MS4A4E: variants seen among roughly 807,000 people sequenced by gnomAD.
MS4A4E encodes the protein membrane spanning 4-domains A4E, also known as putative membrane-spanning 4-domains subfamily A member 4E.
Under a neutral mutation model 13.3 loss-of-function variants are expected in MS4A4E, and 23 were observed. The observed-to-expected ratio is 1.73, with a 90% CI of 1.25 to 2.45. The LOEUF (loss-of-function observed/expected upper bound fraction) is 2.45, where lower values mean the gene tolerates loss of function less well. Among genes scored for constraint, MS4A4E ranks in the 30% most tolerant of loss-of-function variants. The pLI is 0.00. For synonymous variants in MS4A4E, 36 were observed against 45.6 expected (o/e 0.79, Z 0.85); for missense variants, 144 against 131.2 (o/e 1.10, Z -0.48).
intron 3 of MS4A4E, among the ~76,000 whole-genome samples, chr11:60,219,871 T>G (rs1019713102): frequency 6.6e-5 from 10 of 152,220 alleles, no homozygotes; most frequent in African/African-American, 2.4e-4. Context: ...ATGGAGGTCA[T>G]GTAATTAATG....
intron 8 of MS4A4E, among the ~76,000 whole-genome samples, chr11:60,203,096 C>A (rs2134908287): frequency 6.6e-6 from 1 of 152,158 alleles, no homozygotes; most frequent in East Asian, 1.9e-4. Flanking sequence ...TCTGTGGACA[C>A]ACTTATCTGT....
At chr11:60,210,234 A>T (rs190190122) in intron 5 of MS4A4E, among the ~76,000 whole-genome samples, 3 of 152,368 alleles carry the variant, frequency 2.0e-5, no homozygotes, top group Admixed American at 2.0e-4. Flanking sequence ...TTCCAAAAAC[A>T]TAGCATGTAT....
intron 4 of MS4A4E, 113 bp downstream of exon 4, chr11:60,214,458 T>A (rs2084164361): frequency 3.3e-6 from 2 of 604,456 alleles, no homozygotes; most frequent in South Asian, 6.9e-5. Context: ...GTAAAATGCA[T>A]AGTTGCTCCT....
At chr11:60,234,884 A>AAC (rs1193588713) in intron 1 of MS4A4E, among the ~76,000 whole-genome samples, 1 of 149,126 alleles carries the variant, frequency 6.7e-6, no homozygotes, top group Non-Finnish European at 1.5e-5. Flanking sequence ...GCTGAATTTA[A>AAC]AAAAAAAAAC....
At chr11:60,207,397 G>T (rs1015351421) in intron 6 of MS4A4E, among the ~76,000 whole-genome samples, 1 of 152,142 alleles carries the variant, frequency 6.6e-6, no homozygotes, top group Non-Finnish European at 1.5e-5. Context: ...TTCACTTGAT[G>T]AAATTACAAA....
intron 1 of MS4A4E, among the ~76,000 whole-genome samples, chr11:60,234,234 A>G (rs1209739127): frequency 6.6e-6 from 1 of 152,166 alleles, no homozygotes; most frequent in African/African-American, 2.4e-5. Context: ...ATGACTCTGG[A>G]CTTAGAACTT....
chr11:60,238,377 T>G (rs2084509985), intron 1 of MS4A4E, among the ~76,000 whole-genome samples: 1 of 152,020 alleles, frequency 6.6e-6, no homozygotes, highest in Admixed American at 6.5e-5. Context: ...TTCTTCTTAT[T>G]TTTGTATTTC....
Position 60,242,756 on chromosome 11 carries a change from G to A in MS4A4E, c.-17+202C>T, listed in dbSNP as rs549890654. On this transcript the variant is annotated intron_variant, in intron 1 of 8. Transcript: ENST00000651255. ...TTTTCTAACTCCCATCAACTGTAGC[G>A]AAGACTGTTCCTCAACCACCCACAA... Among the ~76,000 whole-genome samples the A allele has an allele frequency of 3.3e-5, 5 of 152,220 alleles. No individual in the cohort carries two copies. The South Asian group carries it at 6.2e-4, about 19-fold the overall frequency.
chr11:60,230,125 C>T, intron 1 of MS4A4E, 54 bp from the exon 2 acceptor site: 1 of 1,511,058 alleles, frequency 6.6e-7, no homozygotes, highest in Non-Finnish European at 8.8e-7. Context: ...AAAAGAAAGT[C>T]TTGACACTTT....
In MS4A4E at chr11:60,234,779, C is replaced by A. The variant is rs1306928714; in HGVS notation, c.-16-4708G>T. Among the ~76,000 whole-genome samples the A allele has an allele frequency of 1.1e-4, 11 of 96,452 alleles. No homozygotes were observed. In the South Asian group the frequency reaches 2.3e-3, roughly 20 times the overall value. 63.3% of individuals were successfully genotyped at this position (96,452 alleles called of 152,430 possible). ...ATAAACAAATATCTACAAAAACAACCCCCCCCCCCAAAATAACAAAATGGC... is the reference window on the plus strand; with the variant it reads ...ATAAACAAATATCTACAAAAACAACACCCCCCCCCAAAATAACAAAATGGC... On this transcript the variant is annotated intron_variant, in intron 1 of 8. Coordinates refer to ENST00000651255, the MANE Select transcript of MS4A4E (RefSeq NM_001393391.1).
intron 5 of MS4A4E, among the ~76,000 whole-genome samples, chr11:60,209,341 G>C (rs994190023): frequency 6.6e-6 from 1 of 152,192 alleles, no homozygotes; most frequent in African/African-American, 2.4e-5. Flanking sequence ...TGCTTGATTT[G>C]AAGGTAGAGG....
chr11:60,213,301 T>C, intron 4 of MS4A4E, 169 bp from the exon 5 acceptor site: 1 of 1,535,368 alleles, frequency 6.5e-7, no homozygotes, highest in Non-Finnish European at 8.7e-7. Context: ...TATGATCCCA[T>C]TATTCTCCAG....
chr11:60,230,129 A>T (rs2084390377), intron 1 of MS4A4E, 58 bp from the exon 2 acceptor site: 1 of 1,507,572 alleles, frequency 6.6e-7, no homozygotes, highest in Non-Finnish European at 8.8e-7. Flanking sequence ...GAAAGTCTTG[A>T]CACTTTGGGG....
intron 5 of MS4A4E, among the ~76,000 whole-genome samples, chr11:60,212,101 G>A (rs2084129678): frequency 6.6e-6 from 1 of 152,070 alleles, no homozygotes; most frequent in Non-Finnish European, 1.5e-5. Context: ...TAAAGCAATT[G>A]AGATAGCATT....
At position 60,200,484 on chromosome 11, in the gene MS4A4E, T is replaced by A. The variant is rs1291557095; in HGVS notation, c.*1059A>T. Among the ~76,000 whole-genome samples the A allele has an allele frequency of 6.6e-6, 1 of 152,184 alleles. No individual in the cohort carries two copies. Among genetic ancestry groups the A allele is most frequent in the South Asian group, 2.1e-4 (1 of 4,818 alleles). ...CTGGGTACTTGAGATTAGGGAGTGG[T>A]GATGACTCTTAACGAGCATGCTGCC... On this transcript the variant is annotated 3_prime_UTR_variant, in exon 9 of 9. Coordinates refer to ENST00000651255, the MANE Select transcript of MS4A4E (RefSeq NM_001393391.1).
chr11:60,230,560 T>C (rs1344869076), intron 1 of MS4A4E, among the ~76,000 whole-genome samples: 1 of 152,188 alleles, frequency 6.6e-6, no homozygotes, highest in Non-Finnish European at 1.5e-5. Context: ...CCATGTAACC[T>C]TGTATTTTGT....
In MS4A4E at chr11:60,229,986, T is replaced by C. The variant is rs746860795; in HGVS notation, c.70A>G (p.Ile24Val). ...CACAGATATGAATGTATGACATCTA[T>C]GTTTCCCAGCTGGGGCACATCAGGG... ...AGPDVPQLGN[I>V]DVIHSYLCKG... Residue 24 changes from isoleucine to valine, a missense_variant, in exon 2 of 9, where the codon ATA (isoleucine) becomes GTA (valine). By Grantham distance (29) the Ile-to-Val change is conservative. This residue lies in a region of MS4A4E where 119 missense variants were observed against 88.7 expected (regional missense o/e 1.34). Coordinates refer to ENST00000651255, the MANE Select transcript of MS4A4E (RefSeq NM_001393391.1). The C allele has an allele frequency of 1.2e-6, 2 of 1,613,792 alleles. No individual in the cohort carries two copies. Among genetic ancestry groups the C allele is most frequent in the Admixed American group, 1.7e-5 (1 of 59,974 alleles).
chr11:60,228,627 C>T lies in MS4A4E; in HGVS notation c.145G>A (p.Val49Ile). Residue 49 changes from valine (V) to isoleucine (I), a missense_variant and splice_region_variant, in exon 3 of 9, where the codon GTT becomes ATT. This residue lies in a region of MS4A4E where 119 missense variants were observed against 88.7 expected (regional missense o/e 1.34). Transcript: ENST00000651255. ...GTTGAAAACTTATGTCCACACAAAA[C>T]CTGCACACAGATATTTATAGCAACG... Reference protein sequence around the residue: ...FFKRKPKVLGVLCGHKFSTHS... With the variant: ...FFKRKPKVLGILCGHKFSTHS... 2.9e-6 allele frequency: 2 copies of T among 697,406 alleles called. No individual in the cohort carries two copies. The highest frequency in any genetic ancestry group is 5.2e-6 in the Non-Finnish European group (2 of 382,488). 43.2% of individuals were successfully genotyped at this position (697,406 alleles called of 1,614,324 possible).
chr11:60,235,825 T>C (rs2134971493), intron 1 of MS4A4E, among the ~76,000 whole-genome samples: 1 of 152,246 alleles, frequency 6.6e-6, no homozygotes, highest in South Asian at 2.1e-4. Flanking sequence ...TATCTAAAAT[T>C]TGTGTTCTGC....
Sources: allele counts gnomAD v4.1 joint callset (sites outside exome capture counted in the v4.1 genomes callset), GRCh38; gene constraint gnomAD v4.1.1; regional missense constraint gnomAD v4.1.1; transcripts MANE v1.5; gene names NCBI Gene and HGNC (gene_info 2026-07-23, HGNC 2026-07-21).